PDGFD: variants seen among roughly 807,000 people sequenced by gnomAD.
PDGFD encodes platelet-derived growth factor D.
In PDGFD, 30 loss-of-function variants were observed where a neutral mutation model predicts 44.7. The observed-to-expected ratio is 0.67, with a 90% CI of 0.50 to 0.91. PDGFD has a LOEUF of 0.91. Among genes scored for constraint, PDGFD ranks in the 40% least tolerant of loss-of-function variants. The pLI, the probability that PDGFD is intolerant of heterozygous loss-of-function variation, is 0.00. For synonymous variants in PDGFD, 173 were observed against 168.4 expected, an observed-to-expected ratio of 1.03 and a Z score of -0.21; for missense variants, 445 against 457.8, an observed-to-expected ratio of 0.97 and a Z score of 0.25.
chr11:104,028,078 T>C (rs1377350302), intron 1 of PDGFD, among the ~76,000 whole-genome samples: 1 of 151,306 alleles, frequency 6.6e-6, no homozygotes, highest in African/African-American at 2.4e-5. Flanking sequence ...TAGTCCCAGC[T>C]ACTCTGGAGA....
At chr11:103,931,727 C>G (rs1175464787) in intron 5 of PDGFD, among the ~76,000 whole-genome samples, 1 of 152,136 alleles carries the variant, frequency 6.6e-6, no homozygotes. Context: ...GCTGGGACTA[C>G]AGGTGTGTGC....
intron 1 of PDGFD, among the ~76,000 whole-genome samples, chr11:104,034,878 T>G (rs1202481306): frequency 6.6e-6 from 1 of 152,042 alleles, no homozygotes; most frequent in Non-Finnish European, 1.5e-5. Context: ...TCCTGACCTC[T>G]TGATCCGCCC....
intron 1 of PDGFD, among the ~76,000 whole-genome samples, chr11:104,000,945 A>G (rs1195581046): frequency 6.6e-6 from 1 of 151,752 alleles, no homozygotes; most frequent in Non-Finnish European, 1.5e-5. Context: ...TTCTCACGTC[A>G]TAGAAATATT....
At chr11:104,083,316 G>A (rs948692092) in intron 1 of PDGFD, among the ~76,000 whole-genome samples, 2 of 152,044 alleles carry the variant, frequency 1.3e-5, no homozygotes, top group African/African-American at 4.8e-5. Flanking sequence ...AAGCTAAAAT[G>A]ATATGTGGGA....
At position 103,909,814 on chromosome 11, in the gene PDGFD, TA is replaced by T. The variant is rs763293853; in HGVS notation, c.992del (p.Leu331TyrfsTer19). On this transcript the variant is annotated frameshift_variant, in exon 7 of 7. Transcript: ENST00000393158. LOFTEE classifies it high-confidence loss of function. ...TCTTGATGTGGCCAGGCTCAAACTG[TA>T]ATACCTAGGACAAGAAGCACATCTC... ...GKTVKKYHEVLQFEPGHIKRR... is the reference protein window; with the variant it reads ...GKTVKKYHEVXQFEPGHIKRR... The T allele has an allele frequency of 6.2e-7, 1 of 1,614,174 alleles. No homozygotes were observed. The highest frequency in any genetic ancestry group is 2.2e-5 in the East Asian group (1 of 44,888).
chr11:104,036,983 T>C, intron 1 of PDGFD: 1 of 1,614,210 alleles, frequency 6.2e-7, no homozygotes, highest in Non-Finnish European at 8.5e-7. Context: ...GAGCGACTCC[T>C]CATCGAGGAC....
intron 1 of PDGFD, among the ~76,000 whole-genome samples, chr11:104,129,746 C>A (rs373609127): frequency 1.3e-5 from 2 of 152,064 alleles, no homozygotes; most frequent in African/African-American, 2.4e-5. Flanking sequence ...CAGTGGCTCA[C>A]GCCTGTAATC....
At chr11:104,095,029 T>A (rs534942794) in intron 1 of PDGFD, among the ~76,000 whole-genome samples, 12 of 151,988 alleles carry the variant, frequency 7.9e-5, no homozygotes, top group Non-Finnish European at 1.8e-4. Flanking sequence ...CTGCCTAAAC[T>A]TTTTTTTCCT....
At chr11:103,984,122 C>T (rs1859315657) in intron 3 of PDGFD, among the ~76,000 whole-genome samples, 1 of 151,634 alleles carries the variant, frequency 6.6e-6, no homozygotes, top group Non-Finnish European at 1.5e-5. Flanking sequence ...ATGTTCATTG[C>T]AGCACTATTT....
At chr11:104,127,350 TAGAG>T (rs1565343197) in intron 1 of PDGFD, among the ~76,000 whole-genome samples, 1 of 152,068 alleles carries the variant, frequency 6.6e-6, no homozygotes, top group Non-Finnish European at 1.5e-5. Flanking sequence ...GATCAGGACT[TAGAG>T]AGTTTTGAAA....
chr11:104,004,347 G>A (rs918990122), intron 1 of PDGFD, among the ~76,000 whole-genome samples: 2 of 152,076 alleles, frequency 1.3e-5, no homozygotes, highest in Non-Finnish European at 2.9e-5. Context: ...AACACATACA[G>A]ACTTTTTTTC....
intron 1 of PDGFD, among the ~76,000 whole-genome samples, chr11:104,001,338 T>C (rs534054234): frequency 6.6e-6 from 1 of 152,330 alleles, no homozygotes; most frequent in African/African-American, 2.4e-5. Flanking sequence ...CTCTCAGACC[T>C]TACCCTATGT....
chr11:104,070,734 C>G (rs774729419), intron 1 of PDGFD, among the ~76,000 whole-genome samples: 9 of 152,068 alleles, frequency 5.9e-5, no homozygotes, highest in Non-Finnish European at 1.3e-4. Context: ...CTTATTCTTT[C>G]CTTTTACAGG....
At chr11:103,943,811 C>A (rs1394130290) in intron 4 of PDGFD, among the ~76,000 whole-genome samples, 161 bp from the exon 5 acceptor site, 2 of 152,064 alleles carry the variant, frequency 1.3e-5, no homozygotes, top group East Asian at 3.9e-4. Flanking sequence ...TTGCCATATT[C>A]TTGGATAAAA....
chr11:103,986,646 A>G (rs906635842), intron 3 of PDGFD, among the ~76,000 whole-genome samples: 11 of 152,208 alleles, frequency 7.2e-5, no homozygotes, highest in Non-Finnish European at 1.5e-4. Context: ...TCCTGAGTGT[A>G]GGCCAAACTA....
In PDGFD at chr11:104,129,767, G is replaced by A. The variant is rs548194345; in HGVS notation, c.124+34037C>T. On this transcript the variant is annotated intron_variant, in intron 1 of 6. Coordinates refer to ENST00000393158, the MANE Select transcript of PDGFD (RefSeq NM_025208.5). ...CTCACGCCTGTAATCCCAGCACTTT[G>A]GGAGGCTGAGGTGGGTGGATCACCT... Among the ~76,000 whole-genome samples the A allele has an allele frequency of 2.5e-4, 38 of 152,238 alleles. 1 individual carries two copies. The South Asian group carries it at 7.5e-3, about 30-fold the overall frequency.
At chr11:103,971,163 T>C (rs1265581522) in intron 3 of PDGFD, among the ~76,000 whole-genome samples, 1 of 152,192 alleles carries the variant, frequency 6.6e-6, no homozygotes, top group Non-Finnish European at 1.5e-5. Flanking sequence ...CTAAAAGTCA[T>C]TTAGTTTTTT....
At chr11:104,161,616 A>G (rs889735223) in intron 1 of PDGFD, among the ~76,000 whole-genome samples, 2 of 152,168 alleles carry the variant, frequency 1.3e-5, no homozygotes, top group Non-Finnish European at 2.9e-5. Context: ...CCTCCTTGTG[A>G]ATGGTAATAC....
At chr11:103,995,045 AT>A (rs982468129) in intron 3 of PDGFD, among the ~76,000 whole-genome samples, 1 of 151,652 alleles carries the variant, frequency 6.6e-6, no homozygotes, top group Non-Finnish European at 1.5e-5. Context: ...AACCAAGCAA[AT>A]TTTTAAATTT....
Sources: allele counts gnomAD v4.1 joint callset (sites outside exome capture counted in the v4.1 genomes callset), GRCh38; gene constraint gnomAD v4.1.1; transcripts MANE v1.5; gene names NCBI Gene and HGNC (gene_info 2026-07-23, HGNC 2026-07-21).